Variants in PRELID2 observed in about 807,000 individuals in gnomAD.
PRELID2 encodes PRELI domain containing 2, also known as PRELI domain-containing protein 2.
PRELID2 carries 25 observed loss-of-function variants against 28.4 expected under a neutral mutation model. That is an observed-to-expected ratio of 0.88 (90% CI 0.64 to 1.23). PRELID2 has a LOEUF of 1.23. PRELID2 is among the 50% of genes most tolerant of loss of function. The probability of loss-of-function intolerance (pLI) is 0.00; values close to 1 mark genes in which losing one functional copy is unlikely to be tolerated. For synonymous variants in PRELID2, 76 were observed against 71.6 expected (o/e 1.06, Z -0.31); for missense variants, 201 against 214.4 (o/e 0.94, Z 0.39).
At chr5:145,818,123 GT>G in intron 3 of PRELID2, 69 bp from the exon 4 acceptor site, 1 of 1,499,154 alleles carries the variant, frequency 6.7e-7, no homozygotes, top group Admixed American at 1.9e-5. Flanking sequence ...TGCATCCAGA[GT>G]TACTCTCAGT....
intron 5 of PRELID2, among the ~76,000 whole-genome samples, chr5:145,788,107 T>C (rs1263276081): frequency 6.6e-6 from 1 of 152,168 alleles, no homozygotes; most frequent in Non-Finnish European, 1.5e-5. Flanking sequence ...GACTTGACTC[T>C]GGCCTGGGTG....
the PRELID2 span, among the ~76,000 whole-genome samples, chr5:145,289,257 G>T: frequency 0.4 from 60,230 of 151,798 alleles, 12,908 homozygotes; most frequent in African/African-American, 0.56. Flanking sequence ...AGTTTCTCTG[G>T]CTGAAAAAGT....
At chr5:145,499,722 T>C (rs879685964) in intron 1 of PRELID2, among the ~76,000 whole-genome samples, 7 of 152,204 alleles carry the variant, frequency 4.6e-5, no homozygotes, top group Non-Finnish European at 7.3e-5. Flanking sequence ...TTCTGTGTTC[T>C]AGGAGAAACA....
At chr5:145,450,518 T>C in the PRELID2 span, 1 of 152,242 alleles carries the variant, frequency 6.6e-6, no homozygotes, top group African/African-American at 2.4e-5. Flanking sequence ...CAATGTCCTG[T>C]AGGGAACTCT....
chr5:145,525,474 A>ACTTCTC (rs1752598998), intron 1 of PRELID2, among the ~76,000 whole-genome samples: 1 of 152,128 alleles, frequency 6.6e-6, no homozygotes, highest in Non-Finnish European at 1.5e-5. Context: ...TTGGTGGTTG[A>ACTTCTC]TTCACCTCAT....
intron 4 of PRELID2, among the ~76,000 whole-genome samples, chr5:145,812,148 T>A (rs1753992791): frequency 6.6e-6 from 1 of 152,158 alleles, no homozygotes; most frequent in Non-Finnish European, 1.5e-5. Context: ...GAAGGGCTTT[T>A]TTCCTCATGG....
At chr5:145,645,517 C>T (rs537176987) in intron 1 of PRELID2, among the ~76,000 whole-genome samples, 5 of 152,046 alleles carry the variant, frequency 3.3e-5, no homozygotes, top group Non-Finnish European at 5.9e-5. Context: ...TTAATTGGAG[C>T]ATTTAGCCCA....
the PRELID2 span, among the ~76,000 whole-genome samples, chr5:145,428,831 A>C: frequency 2.0e-4 from 30 of 152,328 alleles, no homozygotes; most frequent in African/African-American, 7.2e-4. Flanking sequence ...AGCTATCAGG[A>C]GGAAGAGCAT....
intron 1 of PRELID2, among the ~76,000 whole-genome samples, chr5:145,545,602 CTAGCACCATTTT>C (rs1261361814): frequency 2.6e-5 from 4 of 152,072 alleles, no homozygotes; most frequent in Admixed American, 2.6e-4. Context: ...AAACCTCGAT[CTAGCACCATTTT>C]TAAACAGGCT....
chr5:145,492,628 C>G (rs1752278800), intron 1 of PRELID2, among the ~76,000 whole-genome samples: 1 of 141,416 alleles, frequency 7.1e-6, no homozygotes, highest in South Asian at 2.6e-4. Context: ...ACTATGTTTT[C>G]TTCTAAAGTT....
At chr5:145,705,362 T>TTC (rs1755517830) in intron 1 of PRELID2, among the ~76,000 whole-genome samples, 1 of 139,694 alleles carries the variant, frequency 7.2e-6, no homozygotes, top group Non-Finnish European at 1.5e-5. Flanking sequence ...AGCTAATTTT[T>TTC]GTGGGTTTTT....
chr5:145,394,836 TG>T, the PRELID2 span, among the ~76,000 whole-genome samples: 3 of 152,174 alleles, frequency 2.0e-5, no homozygotes, highest in East Asian at 5.8e-4. Flanking sequence ...GTTTATCAGT[TG>T]TGAATTTGGG....
intron 1 of PRELID2, among the ~76,000 whole-genome samples, chr5:145,600,422 A>G (rs1018082468): frequency 7.4e-4 from 59 of 79,266 alleles, no homozygotes; most frequent in Non-Finnish European, 1.3e-3. Context: ...CAGGGGGGGA[A>G]AAAAAAAAAA....
intron 5 of PRELID2, among the ~76,000 whole-genome samples, chr5:145,770,625 T>C (rs1758043383): frequency 1.3e-5 from 2 of 152,190 alleles, no homozygotes; most frequent in African/African-American, 4.8e-5. Flanking sequence ...GACTTTCCAA[T>C]GGGACAAGAT....
chr5:145,801,254 C>T (rs1015642815), intron 4 of PRELID2, among the ~76,000 whole-genome samples: 6 of 152,170 alleles, frequency 3.9e-5, no homozygotes, highest in Admixed American at 2.0e-4. Context: ...TTTTCAGCAA[C>T]AGTACCTGCT....
intron 5 of PRELID2, among the ~76,000 whole-genome samples, chr5:145,781,456 A>C (rs947635950): frequency 2.6e-5 from 4 of 152,022 alleles, no homozygotes; most frequent in Admixed American, 1.3e-4. Flanking sequence ...GGAAAATCCA[A>C]GCCCAATCCT....
At chr5:145,440,691 C>G in the PRELID2 span, 1 of 152,000 alleles carries the variant, frequency 6.6e-6, no homozygotes, top group Non-Finnish European at 1.5e-5. Context: ...GAGTCACAAC[C>G]AACACTCTAT....
intron 1 of PRELID2, among the ~76,000 whole-genome samples, chr5:145,582,487 C>A (rs1373062393): frequency 6.6e-6 from 1 of 151,956 alleles, no homozygotes; most frequent in African/African-American, 2.4e-5. Context: ...CCAGACCCCT[C>A]CCCCAACACA....
chr5:145,310,650 AC>A, the PRELID2 span, among the ~76,000 whole-genome samples: 2 of 152,168 alleles, frequency 1.3e-5, no homozygotes, highest in Non-Finnish European at 2.9e-5. Context: ...ACTCAACTTC[AC>A]CCAAAGGTTA....
Sources: allele counts gnomAD v4.1 joint callset (sites outside exome capture counted in the v4.1 genomes callset), GRCh38; gene constraint gnomAD v4.1.1; transcripts MANE v1.5; gene names NCBI Gene and HGNC (gene_info 2026-07-23, HGNC 2026-07-21).